EBF4: variants seen among roughly 807,000 people sequenced by gnomAD.
EBF4 encodes the protein EBF transcription factor 4.
EBF4 carries 34 observed loss-of-function variants against 67.1 expected under a neutral mutation model. The observed-to-expected ratio is 0.51, with a 90% confidence interval of 0.39 to 0.67. The LOEUF (loss-of-function observed/expected upper bound fraction) is 0.67, where lower values mean the gene tolerates loss of function less well. Ranked by LOEUF, EBF4 falls within the 30% of genes least tolerant of loss-of-function variation. EBF4 has a pLI of 0.00. For missense variants in EBF4, 837 were observed against 873.3 expected (o/e 0.96, Z 0.52); for synonymous variants, 387 against 377.7 (o/e 1.02, Z -0.29).
chr20:2,740,769 G>A (rs1216139109), intron 6 of EBF4, among the ~76,000 whole-genome samples: 3 of 152,144 alleles, frequency 2.0e-5, no homozygotes, highest in Non-Finnish European at 4.4e-5. Context: ...GGTCTCGGTC[G>A]GAGTCTAGCG....
At chr20:2,693,298 G>C (rs992331659), upstream of EBF4, 1 of 191,658 alleles carries the variant, frequency 5.2e-6, no homozygotes, top group African/African-American at 2.4e-5. The surrounding 1 kb of genome is among the most constrained non-coding windows in gnomAD (Gnocchi z 4.6). Context: ...CCGCGGCCCC[G>C]GGCAGCCGCC....
chr20:2,752,880 A>T (rs574634288), intron 14 of EBF4, among the ~76,000 whole-genome samples: 8 of 152,176 alleles, frequency 5.3e-5, no homozygotes, highest in Admixed American at 5.2e-4. Flanking sequence ...GAAACCTGGG[A>T]CACCGCCCCC....
chr20:2,754,703 T>C (rs1201855131), intron 14 of EBF4, among the ~76,000 whole-genome samples: 1 of 152,112 alleles, frequency 6.6e-6, no homozygotes, highest in African/African-American at 2.4e-5. Context: ...CTTACCAGTC[T>C]TTACAGGAGA....
At chr20:2,697,170 G>A (rs2087301812) in intron 1 of EBF4, among the ~76,000 whole-genome samples, 1 of 152,172 alleles carries the variant, frequency 6.6e-6, no homozygotes, top group Non-Finnish European at 1.5e-5. Flanking sequence ...ACAGAAGGTG[G>A]GTGGGGAGGA....
rs2087914040 is a variant in EBF4, at chr20:2,738,010, G to A, written c.558-10539G>A. The stretch of plus-strand genomic sequence containing the variant: ...AGTGGGAACCAAGGAGGAACGTCCT[G>A]CCTCCAGAACCAGAGCCCACAGTCA... On this transcript the variant is annotated intron_variant, in intron 6 of 16. Transcript: ENST00000609451. Among the ~76,000 whole-genome samples, 3 of 151,626 alleles carry A rather than the reference G, an allele frequency of 2.0e-5. No homozygotes were observed. In the South Asian group the frequency reaches 6.3e-4, roughly 32 times the overall value.
At chr20:2,705,365 C>T (rs2087437134) in intron 1 of EBF4, among the ~76,000 whole-genome samples, 1 of 152,188 alleles carries the variant, frequency 6.6e-6, no homozygotes, top group African/African-American at 2.4e-5. Flanking sequence ...TTCCAGGGGG[C>T]AGGCTGGGGT....
chr20:2,708,169 G>A, intron 5 of EBF4, 149 bp downstream of exon 5: 1 of 808,290 alleles, frequency 1.2e-6, no homozygotes, highest in Non-Finnish European at 1.9e-6. Context: ...TGAAGGGAGT[G>A]GTGAGGCCCC....
intron 15 of EBF4, 162 bp from the exon 16 acceptor site, chr20:2,758,747 C>T (rs2088280775): frequency 3.0e-6 from 2 of 658,752 alleles, no homozygotes; most frequent in East Asian, 5.4e-5. Context: ...AGGCACCCCT[C>T]ACCCCGATCT....
At chr20:2,703,234 A>T (rs998745963) in intron 1 of EBF4, among the ~76,000 whole-genome samples, 2 of 145,982 alleles carry the variant, frequency 1.4e-5, no homozygotes, top group Non-Finnish European at 3.0e-5. Flanking sequence ...TCCAGCCTGG[A>T]CAACAGAGCA....
chr20:2,704,183 C>T (rs1260407820), intron 1 of EBF4, among the ~76,000 whole-genome samples: 3 of 152,088 alleles, frequency 2.0e-5, no homozygotes, highest in Non-Finnish European at 4.4e-5. Flanking sequence ...TAACTAAGGG[C>T]ATGAATCCCA....
At position 2,739,603 on chromosome 20, in the gene EBF4, G is replaced by A. The variant is rs1204594467; in HGVS notation, c.558-8946G>A. 2.0e-5 allele frequency among the ~76,000 whole-genome samples: 3 copies of A among 152,150 alleles called. No individual in the cohort carries two copies. The highest frequency in any genetic ancestry group is 1.3e-4 in the Admixed American group (2 of 15,270). ...GGTATTTAATAAATCTTTTTAAGTG[G>A]GTGTATGGAATGAATGAGGGGATGA... is the stretch of plus-strand genomic sequence containing the variant. On this transcript the variant is annotated intron_variant, in intron 6 of 16. Coordinates refer to ENST00000609451, the Ensembl canonical transcript of EBF4. This position sits in a 1 kb window ranked among gnomAD's most constrained non-coding sequence, Gnocchi z 4.5.
rs80040894 is a variant in EBF4, at chr20:2,743,391, C to T, written c.558-5158C>T. ...AACGGAAGTCCTCTAATTCCAGGTCCAGCCTTGGAAGGCAGGAGCCTTTAG... is the reference window on the plus strand; with the variant it reads ...AACGGAAGTCCTCTAATTCCAGGTCTAGCCTTGGAAGGCAGGAGCCTTTAG... On this transcript the variant is annotated intron_variant, in intron 6 of 16. Transcript: ENST00000609451. Among the ~76,000 whole-genome samples the T allele has an allele frequency of 7.9e-3, 1,196 of 152,340 alleles. 14 individuals are homozygous for T. Among genetic ancestry groups the T allele is most frequent in the African/African-American group, 0.027 (1,134 of 41,568 alleles).
rs757917996 is a variant in EBF4, at chr20:2,744,370, C to T, written c.558-4179C>T. Among the ~76,000 whole-genome samples the T allele has an allele frequency of 5.3e-5, 8 of 152,102 alleles. No individual in the cohort carries two copies. The South Asian group carries it at 8.3e-4, about 16-fold the overall frequency. ...TGCTCCAATCAATCAATAGTAAATG[C>T]GAGTCACTTTCCCCTAGAGACATAC... On this transcript the variant is annotated intron_variant, in intron 6 of 16. Coordinates refer to ENST00000609451, the Ensembl canonical transcript of EBF4.
chr20:2,721,858 A>G lies in EBF4; in HGVS notation c.557+12216A>G, dbSNP rs376319575. On this transcript the variant is annotated intron_variant, in intron 6 of 16. Coordinates refer to ENST00000609451, the Ensembl canonical transcript of EBF4. ...CTGTGTCTGTTCTGAGTCAGTTTCA[A>G]TTGACTGATTATTCTCTTCCTTACA... is the stretch of plus-strand genomic sequence containing the variant. 6.6e-5 allele frequency among the ~76,000 whole-genome samples: 10 copies of G among 152,292 alleles called. No individual in the cohort carries two copies. In the East Asian group the frequency reaches 1.9e-3, roughly 29 times the overall value.
upstream of EBF4, chr20:2,693,214 G>T (rs1195552752): frequency 1.3e-5 from 2 of 154,516 alleles, no homozygotes; most frequent in South Asian, 1.9e-4. This position sits in a 1 kb window ranked among gnomAD's most constrained non-coding sequence, Gnocchi z 4.6. Flanking sequence ...CGGCGAGGGG[G>T]AAAGGGCGGG....
At chr20:2,716,478 G>A (rs560652565) in intron 6 of EBF4, among the ~76,000 whole-genome samples, 16 of 149,500 alleles carry the variant, frequency 1.1e-4, no homozygotes, top group South Asian at 4.2e-4. Context: ...GTGGTGAGCC[G>A]AGATCGTGCC....
In EBF4 at chr20:2,693,924, C is replaced by T. The variant is rs571994025; in HGVS notation, c.137+142C>T. The T allele has an allele frequency of 2.7e-6, 3 of 1,131,556 alleles. No individual in the cohort carries two copies. The highest frequency in any genetic ancestry group is 3.4e-6 in the Non-Finnish European group (3 of 894,660). The allele number at this position is 1,131,556 out of a possible 1,614,324, so 70.1% of individuals were successfully genotyped here. A position where few individuals can be genotyped will look rare whatever the true frequency, so the allele number is the denominator to read the frequency against. The stretch of plus-strand genomic sequence containing the variant: ...CGGCGAGCTCCCCGGCCCACCCCGT[C>T]CGGAGTGCCTGTGCTGCCTCCTGAG... On this transcript the variant is annotated intron_variant, in intron 1 of 16. Coordinates refer to ENST00000609451, the Ensembl canonical transcript of EBF4. The surrounding 1 kb of genome is among the most constrained non-coding windows in gnomAD (Gnocchi z 4.6).
intron 6 of EBF4, among the ~76,000 whole-genome samples, chr20:2,731,465 C>T (rs1381114298): frequency 6.6e-6 from 1 of 152,162 alleles, no homozygotes; most frequent in Non-Finnish European, 1.5e-5. Flanking sequence ...CTTATAAAGA[C>T]ATAACCTAAA....
chr20:2,702,892 C>G (rs1344069615), intron 1 of EBF4, among the ~76,000 whole-genome samples: 4 of 152,074 alleles, frequency 2.6e-5, no homozygotes, highest in African/African-American at 9.7e-5. Context: ...ATCTTTAAGC[C>G]CTGCCTGGCT....
Sources: gnomAD v4.1 joint callset for allele counts (sites outside exome capture counted in the v4.1 genomes callset) on GRCh38, gnomAD v4.1.1 for gene constraint, Gnocchi (gnomAD v3.1) non-coding constraint, MANE v1.5 for transcripts, NCBI Gene and HGNC (gene_info 2026-07-23, HGNC 2026-07-21) for gene names.